TECR: variants seen among roughly 807,000 people sequenced by gnomAD.
The protein encoded by TECR is very-long-chain enoyl-CoA reductase.
A neutral mutation model predicts 50.6 loss-of-function variants in TECR; 19 were observed. The ratio of observed to expected loss-of-function variants is 0.38; its 90% CI spans 0.26 to 0.55. The LOEUF (loss-of-function observed/expected upper bound fraction) is 0.55, where lower values mean the gene tolerates loss of function less well. Ranked by LOEUF, TECR falls within the 20% of genes least tolerant of loss-of-function variation. TECR has a pLI of 0.79. For missense variants in TECR, 313 were observed against 408.3 expected (o/e 0.77, Z 2.01); for synonymous variants, 168 against 163.5 (o/e 1.03, Z -0.21).
chr19:14,548,111 C>A (rs1294559475), intron 1 of TECR, among the ~76,000 whole-genome samples: 2 of 151,872 alleles, frequency 1.3e-5, no homozygotes, highest in Non-Finnish European at 2.9e-5. Context: ...TACAGGCGCC[C>A]ACCACCATGC....
chr19:14,535,810 T>C (rs1442404341), intron 1 of TECR, among the ~76,000 whole-genome samples: 2 of 146,718 alleles, frequency 1.4e-5, no homozygotes, highest in Non-Finnish European at 3.0e-5. Context: ...TGTGGTGAGC[T>C]ATAAAGACCT....
At chr19:14,544,093 G>C (rs541236505) in intron 1 of TECR, among the ~76,000 whole-genome samples, 3 of 152,190 alleles carry the variant, frequency 2.0e-5, no homozygotes, top group African/African-American at 4.8e-5. Context: ...ACAGAGGACA[G>C]AGCTGGAGAA....
At chr19:14,539,559 C>T (rs1234588966) in intron 1 of TECR, among the ~76,000 whole-genome samples, 1 of 152,022 alleles carries the variant, frequency 6.6e-6, no homozygotes, top group African/African-American at 2.4e-5. Context: ...GTGGGAGGAT[C>T]TTAGTGTGCC....
chr19:14,544,951 A>C (rs2073249356), intron 1 of TECR, among the ~76,000 whole-genome samples: 1 of 152,110 alleles, frequency 6.6e-6, no homozygotes, highest in South Asian at 2.1e-4. Context: ...GTTTTGAACC[A>C]TTGACACATC....
chr19:14,540,988 G>GCT (rs1599431263), intron 1 of TECR, among the ~76,000 whole-genome samples: 1 of 151,804 alleles, frequency 6.6e-6, no homozygotes, highest in East Asian at 1.9e-4. Flanking sequence ...GCCACACGCT[G>GCT]CTAATTTTGG....
Position 14,565,704 on chromosome 19 carries a change from G to C in TECR, c.800-40G>C, listed in dbSNP as rs372086411. 8.7e-6 allele frequency: 14 copies of C among 1,611,672 alleles called. No homozygotes were observed. The Admixed American group carries it at 1.2e-4, about 13-fold the overall frequency. On this transcript the variant is annotated intron_variant, in intron 12 of 12. Coordinates refer to ENST00000215567, the MANE Select transcript of TECR (RefSeq NM_138501.6). ...TCCCTCGGCGGGGCCCTGCCCCTCCGGGCCGGCAGCCCCTCCCTGACGCCC... is the reference window on the plus strand; with the variant it reads ...TCCCTCGGCGGGGCCCTGCCCCTCCCGGCCGGCAGCCCCTCCCTGACGCCC...
chr19:14,550,837 T>C (rs2073474640), intron 1 of TECR, among the ~76,000 whole-genome samples: 1 of 151,818 alleles, frequency 6.6e-6, no homozygotes, highest in South Asian at 2.1e-4. Flanking sequence ...CGTACCACTA[T>C]GCCCAGCTAA....
At chr19:14,553,963 G>T (rs1250583389) in intron 1 of TECR, among the ~76,000 whole-genome samples, 1 of 152,192 alleles carries the variant, frequency 6.6e-6, no homozygotes, top group Non-Finnish European at 1.5e-5. Flanking sequence ...CCAGACTCGG[G>T]AGATGCTTCC....
chr19:14,548,728 T>A (rs1031844104), intron 1 of TECR, among the ~76,000 whole-genome samples: 3 of 152,020 alleles, frequency 2.0e-5, no homozygotes, highest in African/African-American at 7.2e-5. Flanking sequence ...CAGGCACGCA[T>A]CACCACGTCT....
intron 1 of TECR, among the ~76,000 whole-genome samples, chr19:14,553,934 C>T (rs1194466796): frequency 1.3e-5 from 2 of 152,156 alleles, no homozygotes; most frequent in Non-Finnish European, 2.9e-5. Flanking sequence ...CTCGCACCCC[C>T]AGCCAGGCCT....
chr19:14,532,512 CAAAAAAAAAAAAAAA>C (rs748457923), intron 1 of TECR: 3 of 73,708 alleles, frequency 4.1e-5, no homozygotes, highest in African/African-American at 5.8e-5. Context: ...GAGTCTGTCT[CAAAAAAAAAAAAAAA>C]AAAAAAAAGG....
At chr19:14,529,479 T>C (rs996841773), upstream of TECR, 9 of 683,862 alleles carry the variant, frequency 1.3e-5, no homozygotes, top group South Asian at 1.3e-4. Context: ...CTGGTGCTAG[T>C]CCTAGTCTTG....
chr19:14,545,906 C>G (rs1037724354), intron 1 of TECR: 3 of 152,490 alleles, frequency 2.0e-5, no homozygotes, highest in Admixed American at 2.0e-4. Context: ...CAGCCTCCCT[C>G]AGGCAGAGCT....
At chr19:14,560,565 C>G (rs1205714514) in intron 1 of TECR, among the ~76,000 whole-genome samples, 2 of 152,224 alleles carry the variant, frequency 1.3e-5, no homozygotes, top group African/African-American at 4.8e-5. Context: ...TGACCGAGCT[C>G]TTTTTTTCTG....
At chr19:14,554,407 C>T (rs1460147783) in intron 1 of TECR, among the ~76,000 whole-genome samples, 1 of 152,196 alleles carries the variant, frequency 6.6e-6, no homozygotes, top group African/African-American at 2.4e-5. Flanking sequence ...CGGGTCTGCC[C>T]CTCTTCTGGG....
intron 1 of TECR, among the ~76,000 whole-genome samples, chr19:14,552,145 TTTTC>T (rs141646907): frequency 0.042 from 6,260 of 148,206 alleles, 461 homozygotes; most frequent in African/African-American, 0.15. Context: ...GGCCTTTTTC[TTTTC>T]TTTCTTTCTT....
upstream of TECR, chr19:14,529,429 G>GC (rs926354904): frequency 9.8e-6 from 6 of 611,656 alleles, no homozygotes; most frequent in African/African-American, 1.8e-5. Flanking sequence ...CAGGCGTTCC[G>GC]CCCCCTTCGA....
rs546630831 is a variant in TECR, at chr19:14,557,983, C to G, written c.16-4542C>G. Reference sequence around the variant, plus strand: ...TGTTAGCCAGGATGGTCTCGATCTCCTGACCTCGTGATTCGCCCGCCTCGG... The same window carrying G: ...TGTTAGCCAGGATGGTCTCGATCTCGTGACCTCGTGATTCGCCCGCCTCGG... On this transcript the variant is annotated intron_variant, in intron 1 of 12. Coordinates refer to ENST00000215567, the MANE Select transcript of TECR (RefSeq NM_138501.6). Among the ~76,000 whole-genome samples, 7 of 151,182 alleles carry G rather than the reference C, an allele frequency of 4.6e-5. No individual in the cohort carries two copies. In the South Asian group the frequency reaches 1.3e-3, roughly 27 times the overall value.
Position 14,563,901 on chromosome 19 carries a change from A to T in TECR, c.265A>T (p.Thr89Ser). Residue 89 changes from threonine to serine, a missense_variant and splice_region_variant, in exon 5 of 13, where the codon ACG becomes TCG. Thr to Ser is a moderately conservative substitution (Grantham distance 58). Transcript: ENST00000215567. The surrounding 1 kb of genome is among the most constrained non-coding windows in gnomAD (Gnocchi z 5.3). ...RDLGAQISWV[T>S]VFLTEYAGPL... is the part of the protein sequence containing the mutation. Reference sequence around the variant, plus strand: ...CCTGGGGGCCCAGATCAGCTGGGTGACGGTGAGTCCTGACCCTACCCACGG... The same window carrying T: ...CCTGGGGGCCCAGATCAGCTGGGTGTCGGTGAGTCCTGACCCTACCCACGG... 6.2e-7 allele frequency: 1 copy of T among 1,613,996 alleles called. No homozygotes were observed. The highest frequency in any genetic ancestry group is 1.1e-5 in the South Asian group (1 of 91,084).
Sources: allele counts gnomAD v4.1 joint callset (sites outside exome capture counted in the v4.1 genomes callset), GRCh38; gene constraint gnomAD v4.1.1; non-coding constraint Gnocchi (gnomAD v3.1); transcripts MANE v1.5; gene names NCBI Gene and HGNC (gene_info 2026-07-23, HGNC 2026-07-21).